The following ATXN2 variants were observed in gnomAD, a reference collection of about 807,000 sequenced individuals.
The protein encoded by ATXN2 is ataxin-2.
Under a neutral mutation model 138.6 loss-of-function variants are expected in ATXN2, and 37 were observed. That is an observed-to-expected ratio of 0.27 (90% CI 0.21 to 0.35). The LOEUF (loss-of-function observed/expected upper bound fraction) is 0.35, where lower values mean the gene tolerates loss of function less well. Ranked by LOEUF, ATXN2 falls within the 10% of genes least tolerant of loss-of-function variation. The pLI, the probability that ATXN2 is intolerant of heterozygous loss-of-function variation, is 1.00. For missense variants in ATXN2, 1,216 were observed against 1,480.3 expected (o/e 0.82, Z 2.93); for synonymous variants, 549 against 543.7 (o/e 1.01, Z -0.13).
chr12:111,552,329 G>C lies in ATXN2; in HGVS notation c.522C>G (p.Asp174Glu). 2.5e-6 allele frequency: 4 copies of C among 1,613,200 alleles called. No homozygotes were observed. The highest frequency in any genetic ancestry group is 3.4e-6 in the Non-Finnish European group (4 of 1,179,686). ...IMESILFKCS[D>E]FVVVQFKDMD... ...TATCTTTAAACTGTACCACAACAAAGTCTGAACATTTGAACAAAATACTCT... is the reference window on the plus strand; with the variant it reads ...TATCTTTAAACTGTACCACAACAAACTCTGAACATTTGAACAAAATACTCT... Residue 174 changes from aspartate (D) to glutamate (E), a missense_variant, in exon 5 of 25, where the codon GAC becomes GAG. Around this residue, in one of 4 missense-constraint regions of ATXN2, gnomAD observed 401 missense variants for 528.1 expected, o/e 0.76. Coordinates refer to ENST00000673436, the MANE Select transcript of ATXN2 (RefSeq NM_001372574.1). The surrounding 1 kb of genome is among the most constrained non-coding windows in gnomAD (Gnocchi z 4.1).
chr12:111,588,719 C>T (rs901628397), intron 1 of ATXN2, among the ~76,000 whole-genome samples: 16 of 151,882 alleles, frequency 1.1e-4, no homozygotes, highest in African/African-American at 3.4e-4. Flanking sequence ...AGGCCGGACG[C>T]GGTGGCTCAT....
chr12:111,463,085 T>G (rs1875714968), intron 21 of ATXN2, among the ~76,000 whole-genome samples: 1 of 152,134 alleles, frequency 6.6e-6, no homozygotes, highest in Admixed American at 6.6e-5. Flanking sequence ...CAAATGCATT[T>G]TAAATGCTAA....
At chr12:111,560,792 A>G (rs1487419013) in intron 1 of ATXN2, among the ~76,000 whole-genome samples, 1 of 152,258 alleles carries the variant, frequency 6.6e-6, no homozygotes, top group Admixed American at 6.5e-5. Context: ...ACAGGAAAGT[A>G]TAACCCCACC....
intron 1 of ATXN2, among the ~76,000 whole-genome samples, chr12:111,562,874 C>T (rs1244109352): frequency 6.6e-6 from 1 of 151,944 alleles, no homozygotes; most frequent in African/African-American, 2.4e-5. Flanking sequence ...ATTTATATAA[C>T]CACAAAGTAA....
At position 111,576,061 on chromosome 12, in the gene ATXN2, G is replaced by A. The variant is rs1053704964; in HGVS notation, c.252-20142C>T. On this transcript the variant is annotated intron_variant, in intron 1 of 24. Coordinates refer to ENST00000673436, the MANE Select transcript of ATXN2 (RefSeq NM_001372574.1). ...CATGCCGCTGCACTCCAGCCTGGGC[G>A]ACAAGAGACAAACTCTGTCTTAAAA... 4.7e-5 allele frequency among the ~76,000 whole-genome samples: 7 copies of A among 149,468 alleles called. No homozygotes were observed. In the South Asian group the frequency reaches 8.5e-4, roughly 18 times the overall value.
intron 5 of ATXN2, among the ~76,000 whole-genome samples, chr12:111,525,787 C>A (rs560944117): frequency 3.3e-5 from 5 of 151,268 alleles, no homozygotes; most frequent in Non-Finnish European, 7.4e-5. Context: ...CGGGTTCAAG[C>A]GATTCTCCTG....
intron 14 of ATXN2, among the ~76,000 whole-genome samples, chr12:111,504,625 C>A (rs899087802): frequency 6.6e-6 from 1 of 152,006 alleles, no homozygotes; most frequent in South Asian, 2.1e-4. Flanking sequence ...GGTGCTGGGA[C>A]AACTAATACC....
intron 21 of ATXN2, 127 bp downstream of exon 21, chr12:111,464,535 A>G (rs1183835964): frequency 6.7e-6 from 4 of 598,690 alleles, no homozygotes; most frequent in African/African-American, 1.8e-5. Context: ...ATTTATATAT[A>G]TAAGTACTTT....
chr12:111,494,491 T>C (rs1472389788), intron 14 of ATXN2, among the ~76,000 whole-genome samples: 1 of 148,174 alleles, frequency 6.7e-6, no homozygotes, highest in Non-Finnish European at 1.5e-5. Context: ...AGTGGCACAA[T>C]ATTGACTCAC....
chr12:111,486,206 T>C (rs532034015), intron 16 of ATXN2, among the ~76,000 whole-genome samples: 16 of 152,334 alleles, frequency 1.1e-4, no homozygotes, highest in Non-Finnish European at 2.2e-4. Flanking sequence ...TGTGGGGGAT[T>C]GGTTACAGTA....
chr12:111,477,415 G>A (rs182396844), intron 18 of ATXN2, among the ~76,000 whole-genome samples: 1 of 152,056 alleles, frequency 6.6e-6, no homozygotes, highest in East Asian at 1.9e-4. Flanking sequence ...GAGAAACCGA[G>A]TAAATATTTA....
rs564732761 is a variant in ATXN2, at chr12:111,551,943, C to T, written c.571+337G>A. On this transcript the variant is annotated intron_variant, in intron 5 of 24. Transcript: ENST00000673436. ...TCACCCAGGCTGGAGTGCAGTGGTG[C>T]GGTATCAGCTCACTGCAACCTCTGC... 2.6e-5 allele frequency among the ~76,000 whole-genome samples: 4 copies of T among 151,432 alleles called. No individual in the cohort carries two copies. In the East Asian group the frequency reaches 7.7e-4, roughly 29 times the overall value.
intron 6 of ATXN2, among the ~76,000 whole-genome samples, chr12:111,521,540 GC>G (rs1170175404): frequency 1.3e-5 from 2 of 152,178 alleles, no homozygotes; most frequent in Non-Finnish European, 2.9e-5. Context: ...TCCTGGGAAT[GC>G]TCAAATGGGA....
At chr12:111,575,571 A>G (rs1883592726) in intron 1 of ATXN2, among the ~76,000 whole-genome samples, 1 of 152,140 alleles carries the variant, frequency 6.6e-6, no homozygotes, top group Non-Finnish European at 1.5e-5. Flanking sequence ...CCTCAATGCC[A>G]TAAGGTGGCA....
intron 1 of ATXN2, chr12:111,564,909 G>C (rs954167153): frequency 6.6e-6 from 1 of 152,268 alleles, no homozygotes; most frequent in East Asian, 1.9e-4. Flanking sequence ...CTTTTGTAGA[G>C]ATGGGGTCGC....
intron 8 of ATXN2, 74 bp from the exon 9 acceptor site, chr12:111,518,501 C>G: frequency 7.0e-7 from 1 of 1,437,192 alleles, no homozygotes; most frequent in South Asian, 1.4e-5. Flanking sequence ...TAAAAGTCAT[C>G]TAGACAGAAG....
At chr12:111,581,947 TAA>T (rs372364208) in intron 1 of ATXN2, among the ~76,000 whole-genome samples, 11 of 136,874 alleles carry the variant, frequency 8.0e-5, no homozygotes, top group African/African-American at 8.1e-5. Context: ...GTTTCTGGTT[TAA>T]AAAAAAAAAA....
intron 3 of ATXN2, among the ~76,000 whole-genome samples, chr12:111,553,715 G>A (rs1466242463): frequency 1.4e-5 from 2 of 144,808 alleles, no homozygotes; most frequent in African/African-American, 2.6e-5. Context: ...ATCCTCCCAC[G>A]TCAGCCTCCC....
intron 5 of ATXN2, among the ~76,000 whole-genome samples, chr12:111,539,514 G>A (rs1212594753): frequency 4.0e-5 from 6 of 150,234 alleles, no homozygotes; most frequent in African/African-American, 9.7e-5. Context: ...TTGGGAGGCC[G>A]AGGCGGATGG....
Sources: gnomAD v4.1 joint callset for allele counts (sites outside exome capture counted in the v4.1 genomes callset) on GRCh38, gnomAD v4.1.1 for gene constraint, gnomAD v4.1.1 regional missense constraint, Gnocchi (gnomAD v3.1) non-coding constraint, MANE v1.5 for transcripts, NCBI Gene and HGNC (gene_info 2026-07-23, HGNC 2026-07-21) for gene names.